The following PHACTR2 variants were observed in gnomAD, a reference collection of about 807,000 sequenced individuals.
The protein encoded by PHACTR2 is chromosome 6 open reading frame 56.
A neutral mutation model predicts 76.0 loss-of-function variants in PHACTR2; 30 were observed. The observed-to-expected ratio is 0.39, with a 90% confidence interval of 0.30 to 0.54. The LOEUF (loss-of-function observed/expected upper bound fraction) is 0.54, where lower values mean the gene tolerates loss of function less well. PHACTR2 is among the 20% of genes least tolerant of loss of function. PHACTR2 has a pLI of 0.61. For synonymous variants in PHACTR2, 292 were observed against 292.5 expected (o/e 1.00, Z 0.02); for missense variants, 696 against 781.1 (o/e 0.89, Z 1.30).
At chr6:143,714,742 T>A (rs1194951076) in intron 2 of PHACTR2, among the ~76,000 whole-genome samples, 2 of 152,196 alleles carry the variant, frequency 1.3e-5, no homozygotes, top group Non-Finnish European at 2.9e-5. Context: ...TCTTTTCTTC[T>A]CCTGCATGAG....
chr6:143,695,148 G>C lies in PHACTR2; in HGVS notation c.47-16868G>C, dbSNP rs928720910. 1.3e-5 allele frequency among the ~76,000 whole-genome samples: 2 copies of C among 152,142 alleles called. No homozygotes were observed. Among genetic ancestry groups the C allele is most frequent in the Admixed American group, 1.3e-4 (2 of 15,276 alleles). ...TCTCTTGGACCAGGAATTGCCTTGA[G>C]ATGGCGAGATACAAGCATTCTACAA... On this transcript the variant is annotated intron_variant, in intron 1 of 12. Transcript: ENST00000440869. This position sits in a 1 kb window ranked among gnomAD's most constrained non-coding sequence, Gnocchi z 4.4.
chr6:143,608,466 A>G lies in PHACTR2; in HGVS notation c.13+144A>G. On this transcript the variant is annotated intron_variant, in intron 1 of 11. Coordinates refer to the PHACTR2 transcript ENST00000305766. The surrounding 1 kb of genome is among the most constrained non-coding windows in gnomAD (Gnocchi z 4.6). ...AGACGCGTGTAATATGTGAACCCCG[A>G]TGCATTGTCCACAAGACAATTAGTG... The G allele has an allele frequency of 1.3e-6, 1 of 782,138 alleles. No individual in the cohort carries two copies. The highest frequency in any genetic ancestry group is 2.0e-5 in the Admixed American group (1 of 49,892). The allele number at this position is 782,138 out of a possible 1,614,324, so 48.4% of individuals were successfully genotyped here.
At chr6:143,566,162 C>G (rs1775359820) in intron 1 of PHACTR2, among the ~76,000 whole-genome samples, 1 of 152,120 alleles carries the variant, frequency 6.6e-6, no homozygotes, top group African/African-American at 2.4e-5. Context: ...TGGCATCTCG[C>G]TATGTTGCCC....
At chr6:143,737,397 AG>A (rs1359612900) in intron 2 of PHACTR2, among the ~76,000 whole-genome samples, 2 of 152,000 alleles carry the variant, frequency 1.3e-5, no homozygotes, top group Admixed American at 1.3e-4. Flanking sequence ...GGCCTCTCAA[AG>A]CTTTGGGATT....
chr6:143,743,639 C>CAGAAT lies in PHACTR2; in HGVS notation c.215-5346_215-5345insAGAAT, dbSNP rs1393383310. Among the ~76,000 whole-genome samples, 1 of 152,196 alleles carries CAGAAT rather than the reference C, an allele frequency of 6.6e-6. No individual in the cohort carries two copies. The highest frequency in any genetic ancestry group is 1.9e-4 in the East Asian group (1 of 5,196). ...TTTTCTGACATTCTGTTTTCTGCAA[C>CAGAAT]TGCTATTGAAGAGGGGCAAAGCCGA... On this transcript the variant is annotated intron_variant, in intron 2 of 12. Coordinates refer to ENST00000440869, the MANE Select transcript of PHACTR2 (RefSeq NM_001100164.2). The surrounding 1 kb of genome is among the most constrained non-coding windows in gnomAD (Gnocchi z 5.0).
chr6:143,606,267 A>AC (rs1775869070), upstream of PHACTR2, among the ~76,000 whole-genome samples: 1 of 151,470 alleles, frequency 6.6e-6, no homozygotes, highest in African/African-American at 2.4e-5. Flanking sequence ...ACAAAAAACA[A>AC]TATTTTTAAA....
At chr6:143,778,049 G>T (rs772383830) in intron 9 of PHACTR2, among the ~76,000 whole-genome samples, 2 of 152,206 alleles carry the variant, frequency 1.3e-5, no homozygotes, top group Non-Finnish European at 2.9e-5. Context: ...AATACAGTTT[G>T]TCATGCTATT....
At position 143,829,637 on chromosome 6, in the gene PHACTR2, C is replaced by T. The variant is rs1266484709; in HGVS notation, c.*5948C>T. The stretch of plus-strand genomic sequence containing the variant: ...TTAAACTGTACTAACAATACAGAAA[C>T]ATATTCTCTTTGTCGCTTTTTATCA... On this transcript the variant is annotated 3_prime_UTR_variant, in exon 13 of 13. Coordinates refer to ENST00000440869, the MANE Select transcript of PHACTR2 (RefSeq NM_001100164.2). 1 of 152,168 alleles carries T rather than the reference C, an allele frequency of 6.6e-6. No homozygotes were observed. The highest frequency in any genetic ancestry group is 1.5e-5 in the Non-Finnish European group (1 of 68,030). 9.4% of individuals were successfully genotyped at this position (152,168 alleles called of 1,614,324 possible). A position where few individuals can be genotyped will look rare whatever the true frequency, so the allele number is the denominator to read the frequency against.
chr6:143,797,983 T>C (rs142136926), intron 11 of PHACTR2, among the ~76,000 whole-genome samples: 1 of 152,346 alleles, frequency 6.6e-6, no homozygotes, highest in Non-Finnish European at 1.5e-5. Context: ...GTAAATTACT[T>C]TGGGCAGTAA....
At position 143,734,795 on chromosome 6, in the gene PHACTR2, G is replaced by A. The variant is rs552125879; in HGVS notation, c.215-14190G>A. Among the ~76,000 whole-genome samples, 8 of 152,268 alleles carry A rather than the reference G, an allele frequency of 5.3e-5. No individual in the cohort carries two copies. The East Asian group carries it at 1.2e-3, about 22-fold the overall frequency. On this transcript the variant is annotated intron_variant, in intron 2 of 12. Transcript: ENST00000440869. ...GAAGATCCGATTGTTTATATCCCTT[G>A]CTTGGGTGGATAATTTCCTAATTTC... is the stretch of plus-strand genomic sequence containing the variant.
chr6:143,630,404 A>G (rs1480871523), intron 1 of PHACTR2, among the ~76,000 whole-genome samples: 1 of 151,880 alleles, frequency 6.6e-6, no homozygotes, highest in Non-Finnish European at 1.5e-5. Flanking sequence ...TAGAATCTCT[A>G]TAACTACCTA....
rs1416357580 is a variant in PHACTR2, at chr6:143,589,862, T to C, written c.217+52655T>C. On this transcript the variant is annotated intron_variant, in intron 1 of 11. Transcript: ENST00000367584. This position sits in a 1 kb window ranked among gnomAD's most constrained non-coding sequence, Gnocchi z 4.4. ...AGATGACGATACACATCCCAGCTCA[T>C]TCTAGAACCAGGCAAGGATAATAGG... Among the ~76,000 whole-genome samples the C allele has an allele frequency of 6.6e-6, 1 of 152,206 alleles. No individual in the cohort carries two copies. Among genetic ancestry groups the C allele is most frequent in the Non-Finnish European group, 1.5e-5 (1 of 68,042 alleles).
At chr6:143,615,124 T>C (rs1015269368) in intron 1 of PHACTR2, among the ~76,000 whole-genome samples, 1 of 152,222 alleles carries the variant, frequency 6.6e-6, no homozygotes, top group African/African-American at 2.4e-5. Flanking sequence ...ATACTTGCAG[T>C]CACTCTGTAA....
chr6:143,775,722 A>G lies in PHACTR2; in HGVS notation c.1589+1507A>G, dbSNP rs551729232. ...TTTACTATGAAGAAGAATGTAAATC[A>G]TTGAATAATATTTGCATAAAATAAT... On this transcript the variant is annotated intron_variant, in intron 8 of 12. Transcript: ENST00000440869. The surrounding 1 kb of genome is among the most constrained non-coding windows in gnomAD (Gnocchi z 4.4). Among the ~76,000 whole-genome samples the G allele has an allele frequency of 1.3e-5, 2 of 152,366 alleles. No individual in the cohort carries two copies. The highest frequency in any genetic ancestry group is 4.1e-4 in the South Asian group (2 of 4,834).
In PHACTR2 at chr6:143,764,189, G is replaced by C. The variant is rs759215050; in HGVS notation, c.695-1072G>C. 2.6e-5 allele frequency among the ~76,000 whole-genome samples: 4 copies of C among 152,108 alleles called. No individual in the cohort carries two copies. The highest frequency in any genetic ancestry group is 6.6e-5 in the Admixed American group (1 of 15,252). ...GCGAAGGTGGAGTCAGAAGACCTGAGAATGATATCCTTTCCATTCACATTA... is the reference window on the plus strand; with the variant it reads ...GCGAAGGTGGAGTCAGAAGACCTGACAATGATATCCTTTCCATTCACATTA... On this transcript the variant is annotated intron_variant, in intron 5 of 12. Coordinates refer to ENST00000440869, the MANE Select transcript of PHACTR2 (RefSeq NM_001100164.2). This position sits in a 1 kb window ranked among gnomAD's most constrained non-coding sequence, Gnocchi z 4.7.
rs551753339 is a variant in PHACTR2 at position 143,722,750 on chromosome 6, C to T, written c.214+10567C>T. Among the ~76,000 whole-genome samples the T allele has an allele frequency of 6.6e-6, 1 of 152,248 alleles. No individual in the cohort carries two copies. The highest frequency in any genetic ancestry group is 1.9e-4 in the East Asian group (1 of 5,172). Reference sequence around the variant, plus strand: ...GTACATTTGTACCCCTTAACCATCCCTCCTCCCCACTACCCTTCCCAGCTT... The same window carrying T: ...GTACATTTGTACCCCTTAACCATCCTTCCTCCCCACTACCCTTCCCAGCTT... On this transcript the variant is annotated intron_variant, in intron 2 of 12. Transcript: ENST00000440869. This position sits in a 1 kb window ranked among gnomAD's most constrained non-coding sequence, Gnocchi z 4.1.
intron 1 of PHACTR2, among the ~76,000 whole-genome samples, chr6:143,615,354 A>G (rs1776043246): frequency 6.6e-6 from 1 of 152,218 alleles, no homozygotes; most frequent in East Asian, 1.9e-4. Flanking sequence ...GTAAGTGTAT[A>G]GTAAATGTTT....
chr6:143,613,945 G>A (rs777619330), intron 1 of PHACTR2, among the ~76,000 whole-genome samples: 3 of 152,164 alleles, frequency 2.0e-5, no homozygotes, highest in African/African-American at 4.8e-5. Flanking sequence ...TGCTGAGGCC[G>A]GGCGTGGTGG....
chr6:143,729,940 T>TATCATTTCCCCATTGA (rs60709738), intron 2 of PHACTR2, among the ~76,000 whole-genome samples: 17,395 of 152,132 alleles, frequency 0.11, 1,539 homozygotes, highest in African/African-American at 0.24. Flanking sequence ...TTGAAACGAC[T>TATCATTTCCCCATTGA]ATTACCTTTG....
Sources: gnomAD v4.1 joint callset for allele counts (sites outside exome capture counted in the v4.1 genomes callset) on GRCh38, gnomAD v4.1.1 for gene constraint, Gnocchi (gnomAD v3.1) non-coding constraint, MANE v1.5 for transcripts, NCBI Gene and HGNC (gene_info 2026-07-23, HGNC 2026-07-21) for gene names.